Variants in PBX1 observed in about 807,000 individuals in gnomAD.
PBX1 encodes the protein PBX homeobox 1, also known as pre-B-cell leukemia transcription factor 1.
A neutral mutation model predicts 53.4 loss-of-function variants in PBX1; 6 were observed. That is an observed-to-expected ratio of 0.11 (90% CI 0.06 to 0.22). PBX1 has a LOEUF of 0.22. Ranked by LOEUF, PBX1 falls within the 10% of genes least tolerant of loss-of-function variation. PBX1 has a pLI of 1.00. For missense variants in PBX1, 251 were observed against 551.4 expected (o/e 0.46, Z 5.46); for synonymous variants, 204 against 212.3 (o/e 0.96, Z 0.34).
intron 2 of PBX1, among the ~76,000 whole-genome samples, chr1:164,673,868 G>C (rs1394447129): frequency 6.6e-6 from 1 of 151,896 alleles, no homozygotes; most frequent in Non-Finnish European, 1.5e-5. Context: ...TGGAGCTTCT[G>C]GAGTCCCCTT....
intron 2 of PBX1, among the ~76,000 whole-genome samples, chr1:164,638,879 G>C (rs911131969): frequency 6.6e-6 from 1 of 152,192 alleles, no homozygotes. Context: ...CGTTTGGAAC[G>C]GAATGCTTAA....
chr1:164,614,441 G>T (rs1460138673), intron 2 of PBX1, among the ~76,000 whole-genome samples: 3 of 151,990 alleles, frequency 2.0e-5, no homozygotes, highest in East Asian at 3.9e-4. Context: ...TCTTAGGTCG[G>T]ACCTATCTTA....
At chr1:164,885,228 C>T (rs182803360) in intron 2 of PBX1, among the ~76,000 whole-genome samples, 1 of 152,328 alleles carries the variant, frequency 6.6e-6, no homozygotes, top group Admixed American at 6.5e-5. Flanking sequence ...AACTATCCCA[C>T]ACCTACCAAC....
chr1:164,794,276 C>A (rs1392793661), intron 3 of PBX1, among the ~76,000 whole-genome samples: 1 of 152,120 alleles, frequency 6.6e-6, no homozygotes, highest in Non-Finnish European at 1.5e-5. Context: ...CAAATGCAAA[C>A]TTAATAGAAA....
chr1:164,756,965 A>AT (rs1461053963), intron 2 of PBX1, among the ~76,000 whole-genome samples: 4 of 152,236 alleles, frequency 2.6e-5, no homozygotes, highest in African/African-American at 4.8e-5. Context: ...TCTGTGATGC[A>AT]TTGGGAGTTG....
intron 2 of PBX1, among the ~76,000 whole-genome samples, chr1:164,719,335 G>A (rs1405158271): frequency 6.6e-6 from 1 of 152,200 alleles, no homozygotes; most frequent in Non-Finnish European, 1.5e-5. Flanking sequence ...AGAGTCAATT[G>A]TGGAATGTGA....
intron 2 of PBX1, among the ~76,000 whole-genome samples, chr1:164,884,382 C>T (rs1672730039): frequency 1.3e-5 from 2 of 152,104 alleles, no homozygotes; most frequent in African/African-American, 2.4e-5. Context: ...CTCCTATTTT[C>T]AGCTGGTTAG....
At chr1:164,690,779 T>C (rs1662425286) in intron 2 of PBX1, among the ~76,000 whole-genome samples, 1 of 152,084 alleles carries the variant, frequency 6.6e-6, no homozygotes, top group African/African-American at 2.4e-5. Context: ...CACACCAATA[T>C]TCAATATATG....
intron 8 of PBX1, among the ~76,000 whole-genome samples, chr1:164,843,436 C>T (rs1032725892): frequency 2.6e-5 from 4 of 152,026 alleles, no homozygotes; most frequent in African/African-American, 7.3e-5. Context: ...GGGGTCTACT[C>T]GGATCTGAGA....
intron 2 of PBX1, among the ~76,000 whole-genome samples, chr1:164,861,466 T>C (rs1272686345): frequency 6.6e-6 from 1 of 152,206 alleles, no homozygotes; most frequent in Non-Finnish European, 1.5e-5. Flanking sequence ...TATCCATTTA[T>C]TTATTCCTTC....
chr1:164,729,224 T>C (rs1251817833), intron 2 of PBX1, among the ~76,000 whole-genome samples: 1 of 152,240 alleles, frequency 6.6e-6, no homozygotes, highest in Non-Finnish European at 1.5e-5. Context: ...AATCTTAGAC[T>C]GCCTGCATCA....
chr1:164,628,812 G>A (rs1658217304), intron 2 of PBX1, among the ~76,000 whole-genome samples: 1 of 152,036 alleles, frequency 6.6e-6, no homozygotes, highest in African/African-American at 2.4e-5. Context: ...TATTACTCAC[G>A]AGTGAGCTAT....
chr1:164,670,508 T>G (rs771707550), intron 2 of PBX1, among the ~76,000 whole-genome samples: 5 of 152,212 alleles, frequency 3.3e-5, no homozygotes, highest in Non-Finnish European at 7.3e-5. Flanking sequence ...CTATAGGCAC[T>G]GCTGCTACGG....
rs58819847 is a variant in PBX1 at position 164,850,467 on chromosome 1, CA to C, written c.*3802del. 4,451 of 175,760 alleles carry C rather than the reference CA, an allele frequency of 0.025. 91 individuals are homozygous for C. Among genetic ancestry groups the C allele is most frequent in the African/African-American group, 0.07 (2,892 of 41,318 alleles). 10.9% of individuals were successfully genotyped at this position (175,760 alleles called of 1,614,324 possible). On this transcript the variant is annotated 3_prime_UTR_variant, in exon 9 of 9. Transcript: ENST00000420696. ...TTCTTGATTCTTGCTCTTAAAAATA[CA>C]AAAAAAAAAATGTTTTGTTTTGTGT...
chr1:164,841,859 A>C (rs2102410847), intron 8 of PBX1, among the ~76,000 whole-genome samples: 1 of 152,218 alleles, frequency 6.6e-6, no homozygotes, highest in East Asian at 1.9e-4. Flanking sequence ...GGGCTGGAGC[A>C]CGTGCAGCTC....
intron 2 of PBX1, among the ~76,000 whole-genome samples, chr1:164,604,458 T>A (rs1656416202): frequency 6.6e-6 from 1 of 152,160 alleles, no homozygotes; most frequent in Non-Finnish European, 1.5e-5. Context: ...AGCAGTTACA[T>A]GTATTGAGTG....
chr1:164,875,493 G>C lies in PBX1; in HGVS notation n.258-23695G>C, dbSNP rs534962806. ...AATTTTTGTATTTTTTGTAGAGACA[G>C]GGTCTCAGTTGCCTAGGCTAGTCTC... On this transcript the variant is annotated intron_variant and non_coding_transcript_variant, in intron 2 of 2. Transcript: ENST00000558796. Among the ~76,000 whole-genome samples, 7 of 152,164 alleles carry C rather than the reference G, an allele frequency of 4.6e-5. No individual in the cohort carries two copies. In the East Asian group the frequency reaches 1.4e-3, roughly 30 times the overall value.
intron 2 of PBX1, among the ~76,000 whole-genome samples, chr1:164,587,421 C>T (rs1430172691): frequency 6.6e-6 from 1 of 152,104 alleles, no homozygotes; most frequent in Non-Finnish European, 1.5e-5. Context: ...AATAAGATCC[C>T]TTTCAGGTCT....
intron 2 of PBX1, among the ~76,000 whole-genome samples, chr1:164,664,166 G>A (rs1255824879): frequency 6.6e-6 from 1 of 152,202 alleles, no homozygotes; most frequent in East Asian, 1.9e-4. Context: ...CTGAGGTCAT[G>A]GAGTTGAGAA....
Sources: allele counts gnomAD v4.1 joint callset (sites outside exome capture counted in the v4.1 genomes callset), GRCh38; gene constraint gnomAD v4.1.1; transcripts MANE v1.5; gene names NCBI Gene and HGNC (gene_info 2026-07-23, HGNC 2026-07-21).